PTPRA: variants seen among roughly 807,000 people sequenced by gnomAD.
PTPRA encodes the protein receptor-type tyrosine-protein phosphatase alpha.
In PTPRA, 25 loss-of-function variants were observed where a neutral mutation model predicts 104.8. The ratio of observed to expected loss-of-function variants is 0.24; its 90% CI spans 0.17 to 0.33. PTPRA has a LOEUF of 0.33. Among genes scored for constraint, PTPRA ranks in the 10% least tolerant of loss-of-function variants. The pLI is 1.00. For missense variants in PTPRA, 765 were observed against 1,015.3 expected (o/e 0.75, Z 3.35); for synonymous variants, 323 against 368.9 (o/e 0.88, Z 1.43).
chr20:2,922,869 A>G (rs1453903209), intron 1 of PTPRA, among the ~76,000 whole-genome samples: 2 of 151,304 alleles, frequency 1.3e-5, no homozygotes, highest in Non-Finnish European at 2.9e-5. Flanking sequence ...TCCTGACCTC[A>G]AGTGATCCAC....
chr20:2,924,576 A>G (rs534217197), intron 2 of PTPRA, among the ~76,000 whole-genome samples: 11 of 152,362 alleles, frequency 7.2e-5, no homozygotes, highest in Admixed American at 3.3e-4. Context: ...ATTACCGAGT[A>G]AAACTAAACT....
At position 2,964,939 on chromosome 20, in the gene PTPRA, A is replaced by G; in HGVS notation, c.152A>G (p.Asn51Ser). ...EPVKEEAKTS[N>S]PTSSLTSLSV... The stretch of plus-strand genomic sequence containing the variant: ...GTTAAAGAAGAGGCCAAAACTTCAA[A>G]TCCAACTTCTTCACTAACTTCTCTT... Residue 51 changes from asparagine (N) to serine (S), a missense_variant, in exon 5 of 24, where the codon AAT (asparagine) becomes AGT (serine). Transcript: ENST00000399903. 6.2e-7 allele frequency: 1 copy of G among 1,614,040 alleles called. No individual in the cohort carries two copies. Among genetic ancestry groups the G allele is most frequent in the Non-Finnish European group, 8.5e-7 (1 of 1,179,912 alleles).
chr20:3,027,309 C>T, intron 19 of PTPRA, 112 bp downstream of exon 19: 1 of 1,130,650 alleles, frequency 8.8e-7, no homozygotes, highest in Non-Finnish European at 1.3e-6. Context: ...AATCAGTCAA[C>T]AAATAGTGAA....
intron 2 of PTPRA, among the ~76,000 whole-genome samples, chr20:2,944,007 A>G (rs1017754627): frequency 1.3e-5 from 2 of 151,212 alleles, no homozygotes; most frequent in Admixed American, 6.6e-5. Context: ...ATATCAATCA[A>G]TGCTGGGTAG....
At chr20:2,880,308 G>A (rs925985938) in intron 1 of PTPRA, among the ~76,000 whole-genome samples, 37 of 152,116 alleles carry the variant, frequency 2.4e-4, no homozygotes. Context: ...ATTTAATTTA[G>A]GAATTGTCTC....
At chr20:2,978,148 A>G (rs529480806) in intron 6 of PTPRA, among the ~76,000 whole-genome samples, 47 of 152,278 alleles carry the variant, frequency 3.1e-4, no homozygotes, top group African/African-American at 1.0e-3. Flanking sequence ...CACTGAGTTC[A>G]GGAGTTGGAG....
chr20:2,963,886 A>T (rs1051397077), intron 3 of PTPRA, among the ~76,000 whole-genome samples: 4 of 152,078 alleles, frequency 2.6e-5, no homozygotes, highest in Non-Finnish European at 5.9e-5. Flanking sequence ...AGAAAATTTT[A>T]AAAATTAGCC....
chr20:2,939,826 G>A (rs1037623805), intron 2 of PTPRA, among the ~76,000 whole-genome samples: 2 of 152,016 alleles, frequency 1.3e-5, no homozygotes, highest in Non-Finnish European at 2.9e-5. Context: ...GGTGGGAAGG[G>A]CTGGGCGCGG....
At chr20:2,937,674 A>G (rs6084206) in intron 2 of PTPRA, among the ~76,000 whole-genome samples, 56,089 of 151,870 alleles carry the variant, frequency 0.37, 11,807 homozygotes, top group East Asian at 0.66. Context: ...CTTTACTTCT[A>G]TTTGAGGTTT....
intron 3 of PTPRA, 43 bp downstream of exon 3, chr20:2,948,067 GAGGA>G: frequency 1.1e-6 from 1 of 938,342 alleles, no homozygotes; most frequent in Non-Finnish European, 1.5e-6. Flanking sequence ...TACAAGAATA[GAGGA>G]AGAAAGGAAA....
chr20:2,945,962 C>A (rs903154473), intron 2 of PTPRA, among the ~76,000 whole-genome samples: 3 of 151,520 alleles, frequency 2.0e-5, no homozygotes, highest in South Asian at 2.1e-4. Flanking sequence ...ATATATATAT[C>A]TATATCTTTA....
At chr20:2,905,262 CA>C (rs1274929922) in intron 1 of PTPRA, among the ~76,000 whole-genome samples, 1 of 152,084 alleles carries the variant, frequency 6.6e-6, no homozygotes, top group East Asian at 1.9e-4. Context: ...CCCTGGGTGC[CA>C]AAAAGATTGG....
rs528371219 is a variant in PTPRA, at chr20:2,985,350, G to T, written c.443-1415G>T. Among the ~76,000 whole-genome samples, 8 of 152,340 alleles carry T rather than the reference G, an allele frequency of 5.3e-5. No homozygotes were observed. In the East Asian group the frequency reaches 1.3e-3, roughly 26 times the overall value. ...CTGAGAAGAGAGACGCGAGGCTGGT[G>T]GTAGCTGGGGGAGGGTAAATGAGGT... is the stretch of plus-strand genomic sequence containing the variant. On this transcript the variant is annotated intron_variant, in intron 6 of 23. Transcript: ENST00000399903.
intron 20 of PTPRA, among the ~76,000 whole-genome samples, chr20:3,032,922 T>G (rs1374637293): frequency 4.6e-5 from 7 of 151,800 alleles, no homozygotes; most frequent in Non-Finnish European, 7.4e-5. Flanking sequence ...TTTTTTTTTT[T>G]TTGTCCTTAC....
At chr20:2,866,462 A>T in the PTPRA span, 1 of 1,614,164 alleles carries the variant, frequency 6.2e-7, no homozygotes, top group Non-Finnish European at 8.5e-7. Context: ...GTGGCCATCG[A>T]ACACCGGAAT....
chr20:2,926,951 C>T (rs761512145), intron 2 of PTPRA, among the ~76,000 whole-genome samples: 9 of 151,392 alleles, frequency 5.9e-5, no homozygotes, highest in Non-Finnish European at 8.8e-5. Context: ...CCACCACGCC[C>T]GGCTAATTTT....
chr20:2,866,207 C>T, the PTPRA span: 1 of 1,614,036 alleles, frequency 6.2e-7, no homozygotes, highest in Non-Finnish European at 8.5e-7. Context: ...TTCCTCTCCT[C>T]CAAGCCTTTT....
chr20:2,936,531 G>T (rs868678040), intron 2 of PTPRA, among the ~76,000 whole-genome samples: 86 of 152,016 alleles, frequency 5.7e-4, no homozygotes, highest in African/African-American at 2.0e-3. Context: ...GTGCAATCAT[G>T]GCTCACTGCA....
chr20:2,888,086 A>C lies in PTPRA; in HGVS notation c.-129+14326A>C, dbSNP rs74758055. Among the ~76,000 whole-genome samples, 355 of 152,322 alleles carry C rather than the reference A, an allele frequency of 2.3e-3. 3 individuals carry two copies. The highest frequency in any genetic ancestry group is 8.1e-3 in the African/African-American group (335 of 41,562). The stretch of plus-strand genomic sequence containing the variant: ...CTCAAACACGGATGAGAAATAGAAG[A>C]AGCTCAGGGAGACTATACCTGGGCT... On this transcript the variant is annotated intron_variant, in intron 1 of 23. Transcript: ENST00000399903.
Sources: gnomAD v4.1 joint callset for allele counts (sites outside exome capture counted in the v4.1 genomes callset) on GRCh38, gnomAD v4.1.1 for gene constraint, MANE v1.5 for transcripts, NCBI Gene and HGNC (gene_info 2026-07-23, HGNC 2026-07-21) for gene names.